ADGRB3: variants seen among roughly 807,000 people sequenced by gnomAD.
ADGRB3 encodes brain-specific angiogenesis inhibitor 3.
Under a neutral mutation model 193.4 loss-of-function variants are expected in ADGRB3, and 37 were observed. The ratio of observed to expected loss-of-function variants is 0.19; its 90% CI spans 0.15 to 0.25. ADGRB3 has a LOEUF of 0.25. ADGRB3 is among the 10% of genes least tolerant of loss of function. The probability of loss-of-function intolerance (pLI) is 1.00; values close to 1 mark genes in which losing one functional copy is unlikely to be tolerated. For synonymous variants in ADGRB3, 690 were observed against 644.2 expected (o/e 1.07, Z -1.08); for missense variants, 1,637 against 1,852.9 (o/e 0.88, Z 2.14).
intron 20 of ADGRB3, among the ~76,000 whole-genome samples, chr6:69,268,735 C>T (rs1488415159): frequency 6.6e-6 from 1 of 152,122 alleles, no homozygotes; most frequent in Non-Finnish European, 1.5e-5. Flanking sequence ...CATGATTACT[C>T]TCTGTTCATT....
At chr6:69,236,445 T>C (rs1766268903) in intron 19 of ADGRB3, among the ~76,000 whole-genome samples, 1 of 151,946 alleles carries the variant, frequency 6.6e-6, no homozygotes, top group Non-Finnish European at 1.5e-5. Context: ...AGCAGAATCT[T>C]GGGTTCAGGG....
At chr6:69,179,686 T>C (rs1054898508) in intron 17 of ADGRB3, among the ~76,000 whole-genome samples, 2 of 152,222 alleles carry the variant, frequency 1.3e-5, no homozygotes, top group East Asian at 3.8e-4. Flanking sequence ...TCTTTCCCTT[T>C]CATTCCTTCC....
At chr6:68,969,573 C>T (rs1438061852) in intron 8 of ADGRB3, among the ~76,000 whole-genome samples, 2 of 152,106 alleles carry the variant, frequency 1.3e-5, no homozygotes, top group African/African-American at 4.8e-5. Flanking sequence ...TAAACTTTAT[C>T]TTAGAGATTA....
At chr6:69,007,945 C>T (rs1769814458) in intron 11 of ADGRB3, among the ~76,000 whole-genome samples, 2 of 152,138 alleles carry the variant, frequency 1.3e-5, no homozygotes, top group South Asian at 4.1e-4. Context: ...TCAAGCTGGT[C>T]CCTTGTTGCT....
chr6:68,683,010 C>T (rs1169523922), intron 3 of ADGRB3, among the ~76,000 whole-genome samples: 1 of 152,218 alleles, frequency 6.6e-6, no homozygotes, highest in East Asian at 1.9e-4. Context: ...GTCTTGAACT[C>T]CTGACCTCAG....
At chr6:69,095,446 G>A (rs991892800) in intron 17 of ADGRB3, among the ~76,000 whole-genome samples, 1 of 152,136 alleles carries the variant, frequency 6.6e-6, no homozygotes, top group African/African-American at 2.4e-5. Flanking sequence ...GTGGAGGAAA[G>A]CATCATAAAG....
chr6:68,678,504 C>T (rs1415211925), intron 3 of ADGRB3, among the ~76,000 whole-genome samples: 5 of 152,084 alleles, frequency 3.3e-5, no homozygotes, highest in Non-Finnish European at 7.4e-5. Flanking sequence ...AGCTTGTGAT[C>T]CTTGCTTTAG....
chr6:69,105,400 T>C (rs936932025), intron 17 of ADGRB3, among the ~76,000 whole-genome samples: 2 of 152,188 alleles, frequency 1.3e-5, no homozygotes, highest in African/African-American at 4.8e-5. Context: ...TGGAAATTTT[T>C]CTCAGAACTT....
At chr6:69,058,864 A>G (rs1771627367) in intron 15 of ADGRB3, among the ~76,000 whole-genome samples, 2 of 152,088 alleles carry the variant, frequency 1.3e-5, no homozygotes, top group African/African-American at 4.8e-5. Flanking sequence ...GTGGCTTAAC[A>G]TGTGGTCTAT....
At chr6:68,947,766 G>A (rs116163834) in intron 6 of ADGRB3, among the ~76,000 whole-genome samples, 1 of 152,044 alleles carries the variant, frequency 6.6e-6, no homozygotes, top group Non-Finnish European at 1.5e-5. Context: ...ATTGTAATGG[G>A]GTGGACTTTG....
intron 3 of ADGRB3, among the ~76,000 whole-genome samples, chr6:68,751,507 A>G (rs1766198385): frequency 6.6e-6 from 1 of 152,222 alleles, no homozygotes; most frequent in South Asian, 2.1e-4. Context: ...GGAGGAAGAG[A>G]GAACTCTATT....
chr6:68,897,607 AGAGGAAGGAAGG>A, intron 3 of ADGRB3, among the ~76,000 whole-genome samples: 1 of 83,028 alleles, frequency 1.2e-5, no homozygotes. Flanking sequence ...GAGGGCAGGA[AGAGGAAGGAAGG>A]GAGGGAGGGA....
At chr6:69,209,741 A>G (rs1035972930) in intron 17 of ADGRB3, among the ~76,000 whole-genome samples, 2 of 152,180 alleles carry the variant, frequency 1.3e-5, no homozygotes, top group African/African-American at 2.4e-5. Flanking sequence ...TGCCAAGTCA[A>G]TGGCTACATA....
At chr6:69,141,366 A>C (rs901788539) in intron 17 of ADGRB3, among the ~76,000 whole-genome samples, 2 of 151,676 alleles carry the variant, frequency 1.3e-5, no homozygotes, top group Non-Finnish European at 2.9e-5. Context: ...CTCGTGATCC[A>C]CCCGCCTCGG....
intron 3 of ADGRB3, among the ~76,000 whole-genome samples, chr6:68,741,404 G>A (rs1177027047): frequency 2.0e-5 from 3 of 151,926 alleles, no homozygotes; most frequent in Non-Finnish European, 2.9e-5. Flanking sequence ...TTGAGACAGG[G>A]CCTGGCTCTG....
chr6:68,871,684 T>TA (rs1765459435), intron 3 of ADGRB3, among the ~76,000 whole-genome samples: 1 of 152,150 alleles, frequency 6.6e-6, no homozygotes, highest in South Asian at 2.1e-4. Context: ...TTGAAGTTTT[T>TA]AATAAAGGAT....
At chr6:68,938,455 T>TAC (rs746505078) in intron 5 of ADGRB3, among the ~76,000 whole-genome samples, 86 of 139,332 alleles carry the variant, frequency 6.2e-4, no homozygotes, top group Non-Finnish European at 1.1e-3. Context: ...TATATATATA[T>TAC]ATATATATAT....
At position 69,022,760 on chromosome 6, in the gene ADGRB3, T is replaced by C. The variant is rs1472386303; in HGVS notation, c.2107+4261T>C. ...CGGTAATAGCATAAAACAAATAACA[T>C]GAAGCCCTGAAAAGGATAAAAGTAC... On this transcript the variant is annotated intron_variant, in intron 13 of 31. Coordinates refer to ENST00000370598, the MANE Select transcript of ADGRB3 (RefSeq NM_001704.3). Among the ~76,000 whole-genome samples the C allele has an allele frequency of 2.0e-5, 3 of 151,990 alleles. No homozygotes were observed. The East Asian group carries it at 5.8e-4, about 29-fold the overall frequency.
At chr6:68,741,777 A>C (rs529448573) in intron 3 of ADGRB3, among the ~76,000 whole-genome samples, 1 of 152,332 alleles carries the variant, frequency 6.6e-6, no homozygotes, top group South Asian at 2.1e-4. Context: ...TGACAGGTTG[A>C]ATTATTGTCA....
Sources: gnomAD v4.1 joint callset for allele counts (sites outside exome capture counted in the v4.1 genomes callset) on GRCh38, gnomAD v4.1.1 for gene constraint, MANE v1.5 for transcripts, NCBI Gene and HGNC (gene_info 2026-07-23, HGNC 2026-07-21) for gene names.